Variants in LRRN1 observed in about 807,000 individuals in gnomAD.
The protein encoded by LRRN1 is leucine rich repeat neuronal 1, also known as leucine-rich repeat neuronal protein 1.
LRRN1 carries 14 observed loss-of-function variants against 45.8 expected under a neutral mutation model. The ratio of observed to expected loss-of-function variants is 0.31; its 90% confidence interval spans 0.20 to 0.48. The LOEUF is 0.48. Among genes scored for constraint, LRRN1 ranks in the 20% least tolerant of loss-of-function variants. The pLI is 0.99. For missense variants in LRRN1, 789 were observed against 874.2 expected (o/e 0.90, Z 1.23); for synonymous variants, 359 against 330.1 (o/e 1.09, Z -0.95).
chr3:3,848,620 C>T lies in LRRN1; in HGVS notation c.*1828C>T, dbSNP rs744453. On this transcript the variant is annotated 3_prime_UTR_variant, in exon 2 of 2. Coordinates refer to ENST00000319331, the MANE Select transcript of LRRN1 (RefSeq NM_020873.7). ...TAAGGGGTTTTGGCAAACAGAATTTCAGATCTTGAAACAAATGAGCTGCAA... is the reference window on the plus strand; with the variant it reads ...TAAGGGGTTTTGGCAAACAGAATTTTAGATCTTGAAACAAATGAGCTGCAA... Among the ~76,000 whole-genome samples, 4,001 of 152,226 alleles carry T rather than the reference C, an allele frequency of 0.026. 195 individuals are homozygous for T. The highest frequency in any genetic ancestry group is 0.092 in the African/African-American group (3,826 of 41,520).
At chr3:3,843,430 TAGTTA>T (rs143312075) in intron 1 of LRRN1, among the ~76,000 whole-genome samples, 2,006 of 152,010 alleles carry the variant, frequency 0.013, 38 homozygotes, top group African/African-American at 0.044. Flanking sequence ...TTTCCTTTTT[TAGTTA>T]AGTTAAATGT....
At chr3:3,823,905 C>T (rs888631959) in intron 1 of LRRN1, among the ~76,000 whole-genome samples, 1 of 152,094 alleles carries the variant, frequency 6.6e-6, no homozygotes, top group East Asian at 1.9e-4. Flanking sequence ...ATACTCAATA[C>T]CTGGAGCTGG....
chr3:3,827,552 T>G (rs1267815026), intron 1 of LRRN1: 3 of 455,234 alleles, frequency 6.6e-6, no homozygotes, highest in African/African-American at 6.0e-5. Flanking sequence ...AAAATCCCAT[T>G]TCCCCATTAT....
intron 1 of LRRN1, among the ~76,000 whole-genome samples, chr3:3,822,342 T>C (rs950019922): frequency 1.3e-5 from 2 of 152,210 alleles, no homozygotes; most frequent in South Asian, 4.1e-4. Flanking sequence ...AAAAATTAGG[T>C]GTCTGCAAGG....
chr3:3,827,976 C>A (rs1422388980), intron 1 of LRRN1, among the ~76,000 whole-genome samples: 1 of 151,724 alleles, frequency 6.6e-6, no homozygotes, highest in Non-Finnish European at 1.5e-5. Context: ...TGCCCAAGGG[C>A]CTTAAAGAGA....
chr3:3,823,393 GT>G (rs1176517345), intron 1 of LRRN1, among the ~76,000 whole-genome samples: 2 of 150,380 alleles, frequency 1.3e-5, no homozygotes, highest in African/African-American at 4.9e-5. Context: ...TGGGGATGTT[GT>G]TTAAAAAAAA....
At chr3:3,820,354 C>T (rs1469708093) in intron 1 of LRRN1, among the ~76,000 whole-genome samples, 2 of 152,128 alleles carry the variant, frequency 1.3e-5, no homozygotes, top group Non-Finnish European at 1.5e-5. Context: ...AGCAAATTTG[C>T]CATCAAAAGC....
Position 3,849,175 on chromosome 3 carries a change from A to G in LRRN1, c.*2383A>G, listed in dbSNP as rs1321479747. On this transcript the variant is annotated 3_prime_UTR_variant, in exon 2 of 2. Coordinates refer to ENST00000319331, the MANE Select transcript of LRRN1 (RefSeq NM_020873.7). Reference sequence around the variant, plus strand: ...AGGTTTCATTCGGCCCATAAAGCAAACATTTGAACTTACACAGAATGAGCA... The same window carrying G: ...AGGTTTCATTCGGCCCATAAAGCAAGCATTTGAACTTACACAGAATGAGCA... Among the ~76,000 whole-genome samples, 1 of 152,206 alleles carries G rather than the reference A, an allele frequency of 6.6e-6. No individual in the cohort carries two copies. The highest frequency in any genetic ancestry group is 2.4e-5 in the African/African-American group (1 of 41,456).
At chr3:3,838,516 T>G (rs186378182) in intron 1 of LRRN1, among the ~76,000 whole-genome samples, 2 of 152,328 alleles carry the variant, frequency 1.3e-5, no homozygotes, top group East Asian at 3.9e-4. Flanking sequence ...CTCTTTAAGA[T>G]TCCGCTTTAA....
intron 1 of LRRN1, among the ~76,000 whole-genome samples, chr3:3,808,670 A>G (rs1692815492): frequency 6.6e-6 from 1 of 152,192 alleles, no homozygotes; most frequent in African/African-American, 2.4e-5. Flanking sequence ...GTGCTTGGCT[A>G]TATTTCTTCC....
intron 1 of LRRN1, among the ~76,000 whole-genome samples, chr3:3,842,031 A>G (rs1693663285): frequency 6.6e-6 from 1 of 152,344 alleles, no homozygotes; most frequent in Middle Eastern, 3.4e-3. Context: ...TGTGGCTTAT[A>G]TGATATACCC....
rs1202969704 is a variant in LRRN1 at position 3,846,146 on chromosome 3, A to C, written c.1505A>C (p.Gln502Pro). ...TCAGGAAGATACACATGTGTTGCCCAGAATGTCCAAGGGGCAGACACTCGG... is the reference window on the plus strand; with the variant it reads ...TCAGGAAGATACACATGTGTTGCCCCGAATGTCCAAGGGGCAGACACTCGG... ...EDSGRYTCVAQNVQGADTRVA... is the reference protein window; with the variant it reads ...EDSGRYTCVAPNVQGADTRVA... Residue 502 changes from glutamine (Q) to proline (P), a missense_variant, in exon 2 of 2, where the codon CAG (glutamine) becomes CCG (proline). Coordinates refer to ENST00000319331, the MANE Select transcript of LRRN1 (RefSeq NM_020873.7). The surrounding 1 kb of genome is among the most constrained non-coding windows in gnomAD (Gnocchi z 5.7). 1 of 1,614,200 alleles carries C rather than the reference A, an allele frequency of 6.2e-7. No homozygotes were observed. Among genetic ancestry groups the C allele is most frequent in the South Asian group, 1.1e-5 (1 of 91,090 alleles).
At chr3:3,826,861 A>G (rs1387026294) in intron 1 of LRRN1, among the ~76,000 whole-genome samples, 2 of 152,144 alleles carry the variant, frequency 1.3e-5, no homozygotes, top group Non-Finnish European at 2.9e-5. Context: ...TTTCCTTCCC[A>G]AGAGGAATAA....
chr3:3,840,598 C>T (rs1022393707), intron 1 of LRRN1, among the ~76,000 whole-genome samples: 9 of 152,140 alleles, frequency 5.9e-5, no homozygotes, highest in Middle Eastern at 3.2e-3. Flanking sequence ...ATATCTTAAA[C>T]ATCTCCTTTT....
At chr3:3,812,812 T>TAAAAAA (rs34881587) in intron 1 of LRRN1, among the ~76,000 whole-genome samples, 1 of 121,524 alleles carries the variant, frequency 8.2e-6, no homozygotes, top group Non-Finnish European at 1.7e-5. Context: ...ATCTTGGTTG[T>TAAAAAA]AAAAAAAAAA....
intron 1 of LRRN1, among the ~76,000 whole-genome samples, chr3:3,801,887 G>C (rs1051671418): frequency 6.6e-6 from 1 of 152,166 alleles, no homozygotes; most frequent in South Asian, 2.1e-4. Context: ...AGTGATTTCT[G>C]AATTGACCCC....
chr3:3,845,444 T>C lies in LRRN1; in HGVS notation c.803T>C (p.Leu268Ser). 1 of 1,614,146 alleles carries C rather than the reference T, an allele frequency of 6.2e-7. No homozygotes were observed. The highest frequency in any genetic ancestry group is 8.5e-7 in the Non-Finnish European group (1 of 1,180,012). Residue 268 changes from leucine to serine, a missense_variant, in exon 2 of 2, where the codon TTA becomes TCA. Physicochemically the swap from Leu to Ser is moderately radical, Grantham distance 145 (BLOSUM62 -2). Coordinates refer to ENST00000319331, the MANE Select transcript of LRRN1 (RefSeq NM_020873.7). The surrounding 1 kb of genome is among the most constrained non-coding windows in gnomAD (Gnocchi z 6.5). ...CAAAAAGTTCCAAATTTGAAATTCTTAGACCTCAACAAAAACCCCATTCAC... is the reference window on the plus strand; with the variant it reads ...CAAAAAGTTCCAAATTTGAAATTCTCAGACCTCAACAAAAACCCCATTCAC... ...ALQKVPNLKF[L>S]DLNKNPIHKI...
intron 1 of LRRN1, among the ~76,000 whole-genome samples, chr3:3,835,233 T>C (rs1316317564): frequency 6.6e-6 from 1 of 152,208 alleles, no homozygotes; most frequent in Non-Finnish European, 1.5e-5. Context: ...CCAAACATCA[T>C]AGCCTACCTT....
intron 1 of LRRN1, chr3:3,822,634 A>T (rs1693128019): frequency 1.3e-5 from 2 of 152,238 alleles, no homozygotes; most frequent in Non-Finnish European, 2.9e-5. Context: ...TTCTTTAAAG[A>T]GGCTTACCAT....
Sources: gnomAD v4.1 joint callset for allele counts (sites outside exome capture counted in the v4.1 genomes callset) on GRCh38, gnomAD v4.1.1 for gene constraint, Gnocchi (gnomAD v3.1) non-coding constraint, MANE v1.5 for transcripts, NCBI Gene and HGNC (gene_info 2026-07-23, HGNC 2026-07-21) for gene names.